The following ZNF837 variants were observed in gnomAD, a reference collection of about 807,000 sequenced individuals.
The protein encoded by ZNF837 is zinc finger protein 837.
For synonymous variants in ZNF837, 475 were observed against 365.2 expected, an observed-to-expected ratio of 1.30 and a Z score of -3.43; for missense variants, 955 against 801.7, an observed-to-expected ratio of 1.19 and a Z score of -2.31.
chr19:58,373,353 G>A lies in ZNF837; in HGVS notation c.-139-3425C>T, dbSNP rs555017906. On this transcript the variant is annotated intron_variant, in intron 1 of 2. Coordinates refer to ENST00000597582, the MANE Select transcript of ZNF837 (RefSeq NM_138466.2). ...TGGAGCCTGGGACTCAAGGAGGCAT[G>A]CTTGGAAGTAAGGAACTTCTCTGAG... Among the ~76,000 whole-genome samples the A allele has an allele frequency of 3.9e-5, 6 of 152,328 alleles. No individual in the cohort carries two copies. In the East Asian group the frequency reaches 7.7e-4, roughly 20 times the overall value.
rs546476816 is a variant in ZNF837 at position 58,368,056 on chromosome 19, T to G, written c.1277A>C (p.Lys426Thr). 30 of 1,541,230 alleles carry G rather than the reference T, an allele frequency of 1.9e-5. No homozygotes were observed. In the South Asian group the frequency reaches 3.6e-4, roughly 18 times the overall value. ...CAGGCCCGAGCGGCCCTTGAAGGCC[T>G]TTTCGCACAGTGGGCACGCGTAGGG... ...AKPYACPLCE[K>T]AFKGRSGLVQ... Residue 426 changes from lysine to threonine, a missense_variant, in exon 3 of 3, where the codon AAG becomes ACG. Lys to Thr is a moderately conservative substitution (Grantham distance 78). Transcript: ENST00000597582.
At chr19:58,380,453 TCAGA>T (rs2052280676) in intron 1 of ZNF837, among the ~76,000 whole-genome samples, 1 of 152,076 alleles carries the variant, frequency 6.6e-6, no homozygotes, top group African/African-American at 2.4e-5. Context: ...GTGAAGAACA[TCAGA>T]CAGGGAGCAG....
At chr19:58,372,876 G>A (rs971449325) in intron 1 of ZNF837, among the ~76,000 whole-genome samples, 1 of 152,214 alleles carries the variant, frequency 6.6e-6, no homozygotes, top group African/African-American at 2.4e-5. Flanking sequence ...AAGCAGCCAG[G>A]CCCGGTTCCT....
At chr19:58,374,932 C>CA (rs1213321585) in intron 1 of ZNF837, among the ~76,000 whole-genome samples, 356 of 126,286 alleles carry the variant, frequency 2.8e-3, no homozygotes, top group African/African-American at 8.2e-3. Flanking sequence ...GACTCCATCT[C>CA]AAAAAAAAAA....
At position 58,369,363 on chromosome 19, in the gene ZNF837, T is replaced by G; in HGVS notation, c.-29-2A>C. On this transcript the variant is annotated splice_acceptor_variant, in intron 2 of 2. Coordinates refer to ENST00000597582, the MANE Select transcript of ZNF837 (RefSeq NM_138466.2). LOFTEE classifies it low-confidence loss of function (5UTR_SPLICE). ...GGCGCAGAGTTCTGGTTGTAGGATC[T>G]GGAAGAGCAGAGAAGAAATGGAGGT... The G allele has an allele frequency of 7.5e-7, 1 of 1,332,282 alleles. No homozygotes were observed. The highest frequency in any genetic ancestry group is 9.6e-7 in the Non-Finnish European group (1 of 1,045,602). The allele number at this position is 1,332,282 out of a possible 1,614,324, so 82.5% of individuals were successfully genotyped here. A position where few individuals can be genotyped will look rare whatever the true frequency, so the allele number is the denominator to read the frequency against.
At position 58,368,297 on chromosome 19, in the gene ZNF837, C is replaced by T. The variant is rs997398521; in HGVS notation, c.1036G>A (p.Asp346Asn). 1 of 1,481,844 alleles carries T rather than the reference C, an allele frequency of 6.7e-7. No homozygotes were observed. Among genetic ancestry groups the T allele is most frequent in the Non-Finnish European group, 8.9e-7 (1 of 1,125,426 alleles). 91.8% of individuals were successfully genotyped at this position (1,481,844 alleles called of 1,614,324 possible). ...CGTCGGGGACTCCGCTCGCTGTAGT[C>T]CCCGCAGGGCGGGCACCCCAGCCGG... Reference protein sequence around the residue: ...AFRLGCPPCGDYSERSPRRGS... With the variant: ...AFRLGCPPCGNYSERSPRRGS... The change falls in exon 3 of 3, where the codon GAC becomes AAC. Residue 346 changes from aspartate (D) to asparagine (N), a missense_variant. By Grantham distance (23) the Asp-to-Asn change is conservative. Transcript: ENST00000597582.
rs10717720 is a variant in ZNF837 at position 58,375,255 on chromosome 19, CAA to C, written c.-139-5329_-139-5328del. 5.9e-4 allele frequency among the ~76,000 whole-genome samples: 33 copies of C among 55,550 alleles called. 1 individual carries two copies. The highest frequency in any genetic ancestry group is 4.8e-3 in the South Asian group (6 of 1,254). The allele number at this position is 55,550 out of a possible 152,430, so 36.4% of individuals were successfully genotyped here. Reference sequence around the variant, plus strand: ...TGGGCAACAGAGCGAGAATCTGTCTCAAAAAAAAAAAAAAGTATATATATATA... The same window carrying C: ...TGGGCAACAGAGCGAGAATCTGTCTCAAAAAAAAAAAAGTATATATATATA... On this transcript the variant is annotated intron_variant, in intron 1 of 2. Coordinates refer to ENST00000597582, the MANE Select transcript of ZNF837 (RefSeq NM_138466.2).
intron 1 of ZNF837, among the ~76,000 whole-genome samples, chr19:58,371,705 C>CTT (rs2122123175): frequency 7.7e-6 from 1 of 129,138 alleles, no homozygotes; most frequent in East Asian, 2.3e-4. Flanking sequence ...AGGCAGATAT[C>CTT]CTCTTATTTT....
intron 2 of ZNF837, 197 bp downstream of exon 2, chr19:58,369,622 C>T (rs2052181872): frequency 6.5e-6 from 2 of 309,698 alleles, no homozygotes; most frequent in Admixed American, 5.0e-5. Context: ...TCCTAAAACA[C>T]TGTGCCCCTG....
chr19:58,377,590 A>G (rs569779131), intron 1 of ZNF837, among the ~76,000 whole-genome samples: 15 of 152,250 alleles, frequency 9.9e-5, no homozygotes, highest in South Asian at 2.1e-4. Context: ...GTGAGCTACA[A>G]TTGCACCACT....
At chr19:58,377,897 G>A (rs546693198) in intron 1 of ZNF837, among the ~76,000 whole-genome samples, 7 of 152,336 alleles carry the variant, frequency 4.6e-5, no homozygotes, top group East Asian at 1.9e-4. Context: ...AGTATCTGGC[G>A]TTTCTCACAG....
rs747604615 is a variant in ZNF837 at position 58,368,155 on chromosome 19, C to A, written c.1178G>T (p.Cys393Phe). The change falls in exon 3 of 3, where the codon TGC becomes TTC. Residue 393 changes from cysteine to phenylalanine, a missense_variant. Cys to Phe is a radical substitution (Grantham distance 205). Coordinates refer to ENST00000597582, the MANE Select transcript of ZNF837 (RefSeq NM_138466.2). Reference sequence around the variant, plus strand: ...GTTGAAGGCCTTGCCGCACTCGGGGCACGCGTAGGGCTTCTCGCCGGTGTG... The same window carrying A: ...GTTGAAGGCCTTGCCGCACTCGGGGAACGCGTAGGGCTTCTCGCCGGTGTG... ...RVHTGEKPYA[C>F]PECGKAFNQR... 3.9e-5 allele frequency: 62 copies of A among 1,588,960 alleles called. No individual in the cohort carries two copies. Among genetic ancestry groups the A allele is most frequent in the Non-Finnish European group, 5.2e-5 (61 of 1,169,214 alleles).
intron 1 of ZNF837, among the ~76,000 whole-genome samples, chr19:58,372,310 C>A (rs2052209150): frequency 6.6e-6 from 1 of 152,240 alleles, no homozygotes; most frequent in South Asian, 2.1e-4. Context: ...CCACCCGTCT[C>A]GGCCTCCCCA....
intron 1 of ZNF837, among the ~76,000 whole-genome samples, chr19:58,370,951 G>A (rs945140138): frequency 7.8e-3 from 11 of 1,418 alleles, no homozygotes; most frequent in East Asian, 0.014. Flanking sequence ...GTGAAGGCCG[G>A]GGGGGGGGAG....
In ZNF837 at chr19:58,369,299, C is replaced by T. The variant is rs547947948; in HGVS notation, c.34G>A (p.Gly12Arg). Reference protein sequence around the residue: ...EAPAQKAGQGGLPKADAQGAS... With the variant: ...EAPAQKAGQGRLPKADAQGAS... ...CCCTGGGCATCGGCCTTGGGGAGTC[C>T]TCCCTGCCCAGCCTTCTGGGCTGGA... The change falls in exon 3 of 3, where the codon GGA (glycine) becomes AGA (arginine). Residue 12 changes from glycine (G) to arginine (R), a missense_variant. By Grantham distance (125) the Gly-to-Arg change is moderately radical. Coordinates refer to ENST00000597582, the MANE Select transcript of ZNF837 (RefSeq NM_138466.2). 7.2e-6 allele frequency: 10 copies of T among 1,384,050 alleles called. No individual in the cohort carries two copies. In the East Asian group the frequency reaches 2.9e-4, roughly 40 times the overall value. The allele number at this position is 1,384,050 out of a possible 1,614,324, so 85.7% of individuals were successfully genotyped here.
chr19:58,367,800 G>A lies in ZNF837; in HGVS notation c.1533C>T (p.Ala511=), dbSNP rs2052148399. 2 of 1,536,268 alleles carry A rather than the reference G, an allele frequency of 1.3e-6. No homozygotes were observed. Among genetic ancestry groups the A allele is most frequent in the Admixed American group, 2.0e-5 (1 of 50,832 alleles). The change falls in exon 3 of 3, where the codon GCC becomes GCT. Residue 511 remains alanine (A), a synonymous_variant. Coordinates refer to ENST00000597582, the MANE Select transcript of ZNF837 (RefSeq NM_138466.2). ...RPYACGDCGR[A]FSQRSNLNEH... ...CGTTGAGGTTGGAGCGTTGGCTGAA[G>A]GCGCGGCCGCAATCTCCGCACGCGT...
At chr19:58,377,542 G>A (rs976786166) in intron 1 of ZNF837, among the ~76,000 whole-genome samples, 2 of 152,010 alleles carry the variant, frequency 1.3e-5, no homozygotes, top group Non-Finnish European at 2.9e-5. Context: ...GGAAGCTAAG[G>A]TGGGATGATC....
intron 1 of ZNF837, among the ~76,000 whole-genome samples, chr19:58,372,010 C>T (rs1469009954): frequency 6.6e-6 from 1 of 151,984 alleles, no homozygotes; most frequent in South Asian, 2.1e-4. Flanking sequence ...CGTGAGCCAC[C>T]GTACCTGGCC....
intron 1 of ZNF837, among the ~76,000 whole-genome samples, chr19:58,377,103 G>A (rs1372260256): frequency 6.6e-6 from 1 of 151,332 alleles, no homozygotes; most frequent in African/African-American, 2.4e-5. Flanking sequence ...TGTAATCCCA[G>A]ATACTCGGGA....
Sources: allele counts gnomAD v4.1 joint callset (sites outside exome capture counted in the v4.1 genomes callset), GRCh38; gene constraint gnomAD v4.1.1; transcripts MANE v1.5; gene names NCBI Gene and HGNC (gene_info 2026-07-23, HGNC 2026-07-21).